The following SLC37A1 variants were observed in gnomAD, a reference collection of about 807,000 sequenced individuals.
SLC37A1 encodes the protein solute carrier family 37 member 1.
In SLC37A1, 49 loss-of-function variants were observed where a neutral mutation model predicts 75.3. The observed-to-expected ratio is 0.65, with a 90% CI of 0.52 to 0.83. The LOEUF (loss-of-function observed/expected upper bound fraction) is 0.83. SLC37A1 is among the 40% of genes least tolerant of loss of function. The pLI is 0.00. For synonymous variants in SLC37A1, 268 were observed against 292.1 expected (o/e 0.92, Z 0.84); for missense variants, 566 against 695.0 (o/e 0.81, Z 2.09).
intron 2 of SLC37A1, among the ~76,000 whole-genome samples, chr21:42,506,859 GA>G (rs1249041356): frequency 6.6e-6 from 1 of 152,052 alleles, no homozygotes; most frequent in Non-Finnish European, 1.5e-5. Flanking sequence ...TAATATTCAG[GA>G]AAGAATATCA....
intron 9 of SLC37A1, among the ~76,000 whole-genome samples, chr21:42,550,275 A>G (rs536754913): frequency 6.6e-6 from 1 of 152,372 alleles, no homozygotes; most frequent in African/African-American, 2.4e-5. Flanking sequence ...AGGACCAGGA[A>G]AGGTGGCATT....
In SLC37A1 at chr21:42,543,534, T is replaced by C. The variant is rs1249271838; in HGVS notation, c.662T>C (p.Leu221Pro). 1.9e-6 allele frequency: 3 copies of C among 1,613,816 alleles called. No homozygotes were observed. Among genetic ancestry groups the C allele is most frequent in the African/African-American group, 1.3e-5 (1 of 74,942 alleles). The change falls in exon 8 of 20, where the codon CTG becomes CCG. Residue 221 changes from leucine to proline, a missense_variant. Physicochemically the swap from Leu to Pro is moderately conservative, Grantham distance 98. Coordinates refer to ENST00000352133, the MANE Select transcript of SLC37A1 (RefSeq NM_001320537.2). ...AGYWVSTCWG[L>P]SFVVPGAIVA... ...TACTGGGTGTCCACATGCTGGGGCC[T>C]GTCCTTCGTCGTGCCTGGAGCCATC...
intron 2 of SLC37A1, among the ~76,000 whole-genome samples, chr21:42,522,245 G>A (rs996359314): frequency 6.6e-6 from 1 of 152,216 alleles, no homozygotes; most frequent in Non-Finnish European, 1.5e-5. Flanking sequence ...ATGAAATTAT[G>A]GGGGATGATA....
rs1569013913 is a variant in SLC37A1 at position 42,545,884 on chromosome 21, G to A, written c.731-1219G>A. Among the ~76,000 whole-genome samples the A allele has an allele frequency of 6.6e-6, 1 of 152,260 alleles. No homozygotes were observed. The highest frequency in any genetic ancestry group is 1.5e-5 in the Non-Finnish European group (1 of 68,054). ...GGCGACGCACCCCACAGCCAGCCAC[G>A]GACCTCTGGGTGCAGACCCACCTGG... On this transcript the variant is annotated intron_variant, in intron 8 of 19. Transcript: ENST00000352133. This position sits in a 1 kb window ranked among gnomAD's most constrained non-coding sequence, Gnocchi z 4.0.
intron 12 of SLC37A1, 82 bp from the exon 13 acceptor site, chr21:42,563,733 C>G: frequency 7.6e-7 from 1 of 1,312,146 alleles, no homozygotes; most frequent in Non-Finnish European, 1.1e-6. Context: ...GTCCCGTGCA[C>G]GGGTCCTGTT....
intron 3 of SLC37A1, among the ~76,000 whole-genome samples, chr21:42,533,654 C>G (rs772337504): frequency 6.6e-6 from 1 of 152,068 alleles, no homozygotes; most frequent in Non-Finnish European, 1.5e-5. Context: ...CCTCCCGACA[C>G]ATGAGCTTTC....
chr21:42,560,463 G>A (rs1446313044), intron 11 of SLC37A1: 2 of 152,542 alleles, frequency 1.3e-5, no homozygotes, highest in African/African-American at 4.8e-5. Context: ...GAGAAAGGCA[G>A]AGGGCCAGGG....
chr21:42,544,383 A>T (rs769542768), intron 8 of SLC37A1, among the ~76,000 whole-genome samples: 1 of 152,240 alleles, frequency 6.6e-6, no homozygotes, highest in Non-Finnish European at 1.5e-5. Context: ...TCAGCTCTGC[A>T]TGCAAAAGTT....
Position 42,564,745 on chromosome 21 carries a change from GA to G in SLC37A1, c.1177del (p.Arg393GlyfsTer7), listed in dbSNP as rs772358983. The G allele has an allele frequency of 6.2e-7, 1 of 1,610,254 alleles. No individual in the cohort carries two copies. The highest frequency in any genetic ancestry group is 1.1e-5 in the South Asian group (1 of 91,086). On this transcript the variant is annotated frameshift_variant, in exon 14 of 20. Coordinates refer to ENST00000352133, the MANE Select transcript of SLC37A1 (RefSeq NM_001320537.2). LOFTEE classifies it high-confidence loss of function. ...CAGGTGTGATCTCAGACCGACTGGA[GA>G]AAAGGGCCTCCACCTGCGGCCTGAT... ...LAGVISDRLE[K>X]RASTCGLMLL...
chr21:42,577,769 G>A (rs1398383325), intron 18 of SLC37A1, among the ~76,000 whole-genome samples: 1 of 152,208 alleles, frequency 6.6e-6, no homozygotes. Context: ...AGATTGTCAG[G>A]TTGCTTTTAA....
At position 42,530,654 on chromosome 21, in the gene SLC37A1, A is replaced by ACACACACACAC. The variant is rs1161313598; in HGVS notation, c.139-4043_139-4042insACACACACACC. ...CACACACACACACACACACACACAC[A>ACACACACACAC]CCCCCTCTGTGTTGGCTGAAGGTGG... is the stretch of plus-strand genomic sequence containing the variant. On this transcript the variant is annotated intron_variant, in intron 3 of 19. Transcript: ENST00000352133. Among the ~76,000 whole-genome samples, 131 of 35,888 alleles carry ACACACACACAC rather than the reference A, an allele frequency of 3.7e-3. 12 individuals are homozygous for ACACACACACAC. The highest frequency in any genetic ancestry group is 5.0e-3 in the Non-Finnish European group (95 of 19,104). The allele number at this position is 35,888 out of a possible 152,430, so 23.5% of individuals were successfully genotyped here.
Position 42,515,456 on chromosome 21 carries a change from G to T in SLC37A1, c.-179+739G>T, listed in dbSNP as rs111485409. ...GCCACCTCAGCCCTAAAAAGACTGA[G>T]GAACCTTACTCCTGCTATTGCTCAC... On this transcript the variant is annotated intron_variant, in intron 1 of 19. Coordinates refer to ENST00000352133, the MANE Select transcript of SLC37A1 (RefSeq NM_001320537.2). Among the ~76,000 whole-genome samples, 1,468 of 152,278 alleles carry T rather than the reference G, an allele frequency of 9.6e-3. 14 individuals are homozygous for T. Among genetic ancestry groups the T allele is most frequent in the African/African-American group, 0.017 (708 of 41,524 alleles).
At chr21:42,521,009 C>T (rs989341048) in intron 2 of SLC37A1, among the ~76,000 whole-genome samples, 7 of 152,148 alleles carry the variant, frequency 4.6e-5, no homozygotes, top group East Asian at 1.9e-4. Context: ...GAGAAATGCA[C>T]GCTCGCCGTA....
chr21:42,542,899 A>C lies in SLC37A1; in HGVS notation c.563+419A>C, dbSNP rs375884128. ...GCCTGGCGAGTCCAGATTTATTTGT[A>C]AATGGCTTTTATTTTATACAGATAA... is the stretch of plus-strand genomic sequence containing the variant. On this transcript the variant is annotated intron_variant, in intron 7 of 19. Transcript: ENST00000352133. Among the ~76,000 whole-genome samples, 98 of 152,404 alleles carry C rather than the reference A, an allele frequency of 6.4e-4. 1 individual carries two copies. The highest frequency in any genetic ancestry group is 2.3e-3 in the African/African-American group (94 of 41,602).
intron 6 of SLC37A1, among the ~76,000 whole-genome samples, chr21:42,540,168 A>G (rs1260292243): frequency 6.6e-6 from 1 of 152,226 alleles, no homozygotes; most frequent in East Asian, 1.9e-4. Context: ...GAACTTACAT[A>G]CTGAGGGCTG....
intron 13 of SLC37A1, 140 bp from the exon 14 acceptor site, chr21:42,564,568 G>A (rs2055922966): frequency 3.0e-6 from 2 of 666,244 alleles, no homozygotes; most frequent in African/African-American, 1.8e-5. Flanking sequence ...AGGGCTGTGA[G>A]AAGGCTGCCT....
At chr21:42,543,154 A>G (rs2055323783) in intron 7 of SLC37A1, among the ~76,000 whole-genome samples, 1 of 152,248 alleles carries the variant, frequency 6.6e-6, no homozygotes, top group Non-Finnish European at 1.5e-5. Flanking sequence ...TTTTAATTTC[A>G]GGCCTTCCAA....
intron 13 of SLC37A1, 116 bp from the exon 14 acceptor site, chr21:42,564,592 G>A (rs1239229996): frequency 2.5e-6 from 2 of 787,956 alleles, no homozygotes; most frequent in Non-Finnish European, 4.3e-6. Context: ...CGTGATGCAT[G>A]GAGAGAGGGG....
Position 42,514,049 on chromosome 21 carries a change from G to A in SLC37A1, c.-847G>A, listed in dbSNP as rs1044862019. The A allele has an allele frequency of 6.7e-6, 1 of 150,090 alleles. No homozygotes were observed. The highest frequency in any genetic ancestry group is 2.4e-5 in the African/African-American group (1 of 41,066). The allele number at this position is 150,090 out of a possible 1,614,324, so 9.3% of individuals were successfully genotyped here. On this transcript the variant is annotated 5_prime_UTR_variant, in exon 1 of 20. Coordinates refer to ENST00000352133, the MANE Select transcript of SLC37A1 (RefSeq NM_001320537.2). The surrounding 1 kb of genome is among the most constrained non-coding windows in gnomAD (Gnocchi z 4.8). ...CACCTGCGGCGCCCTCAGGGAGCCG[G>A]GCGCGGGGCCCTGCGCACTCGGAGC...
Sources: gnomAD v4.1 joint callset for allele counts (sites outside exome capture counted in the v4.1 genomes callset) on GRCh38, gnomAD v4.1.1 for gene constraint, Gnocchi (gnomAD v3.1) non-coding constraint, MANE v1.5 for transcripts, NCBI Gene and HGNC (gene_info 2026-07-23, HGNC 2026-07-21) for gene names.